The following NPAS3 variants were observed in gnomAD, a reference collection of about 807,000 sequenced individuals.
The protein encoded by NPAS3 is neuronal PAS domain protein 3.
NPAS3 carries 14 observed loss-of-function variants against 73.1 expected under a neutral mutation model. That is an observed-to-expected ratio of 0.19 (90% CI 0.13 to 0.30). The LOEUF is 0.30. Ranked by LOEUF, NPAS3 falls within the 10% of genes least tolerant of loss-of-function variation. NPAS3 has a pLI of 1.00. For synonymous variants in NPAS3, 620 were observed against 541.5 expected (o/e 1.14, Z -2.01); for missense variants, 1,096 against 1,250.0 (o/e 0.88, Z 1.86).
chr14:33,629,735 T>C (rs1244708516), intron 5 of NPAS3, among the ~76,000 whole-genome samples: 1 of 151,772 alleles, frequency 6.6e-6, no homozygotes, highest in East Asian at 2.0e-4. Flanking sequence ...TCCACAGCCA[T>C]TTGTTTTTCT....
At chr14:33,301,058 C>T (rs2042509293) in intron 3 of NPAS3, among the ~76,000 whole-genome samples, 1 of 151,820 alleles carries the variant, frequency 6.6e-6, no homozygotes, top group Non-Finnish European at 1.5e-5. Flanking sequence ...TTGGTGGGTA[C>T]TACTCCTCAT....
At chr14:33,032,350 A>T (rs555844614) in intron 1 of NPAS3, among the ~76,000 whole-genome samples, 2 of 152,230 alleles carry the variant, frequency 1.3e-5, no homozygotes, top group Non-Finnish European at 2.9e-5. Flanking sequence ...GAGTAGGTAC[A>T]TGAGAAGACC....
At chr14:33,560,917 C>T (rs2055614899) in intron 5 of NPAS3, among the ~76,000 whole-genome samples, 1 of 152,148 alleles carries the variant, frequency 6.6e-6, no homozygotes, top group Non-Finnish European at 1.5e-5. Flanking sequence ...CTGGTGAATG[C>T]CAAAATATCC....
chr14:33,558,264 C>A (rs1282111890), intron 4 of NPAS3, among the ~76,000 whole-genome samples: 2 of 151,520 alleles, frequency 1.3e-5, no homozygotes, highest in Admixed American at 6.6e-5. Context: ...CAGGAAAATT[C>A]ACTTTTTTTT....
chr14:33,277,800 A>T (rs2041404200), intron 3 of NPAS3, among the ~76,000 whole-genome samples: 1 of 152,082 alleles, frequency 6.6e-6, no homozygotes, highest in Non-Finnish European at 1.5e-5. Context: ...GACCAGACAG[A>T]GGCTTTGGAT....
At chr14:33,234,450 T>C (rs1298667162) in intron 3 of NPAS3, among the ~76,000 whole-genome samples, 1 of 152,174 alleles carries the variant, frequency 6.6e-6, no homozygotes, top group Admixed American at 6.6e-5. Flanking sequence ...CTCTTCTAGA[T>C]GCATTTTATT....
In NPAS3 at chr14:33,704,204, A is replaced by G. The variant is rs536340701; in HGVS notation, c.733+27819A>G. ...GGAATAAAGAATGAAGTCATGTGATAACAAATTAGATGGCTAATATGAGTT... is the reference window on the plus strand; with the variant it reads ...GGAATAAAGAATGAAGTCATGTGATGACAAATTAGATGGCTAATATGAGTT... On this transcript the variant is annotated intron_variant, in intron 6 of 11. Coordinates refer to ENST00000356141, the Ensembl canonical transcript of NPAS3. Among the ~76,000 whole-genome samples, 4 of 152,366 alleles carry G rather than the reference A, an allele frequency of 2.6e-5. No homozygotes were observed. In the East Asian group the frequency reaches 7.7e-4, roughly 29 times the overall value.
intron 2 of NPAS3, among the ~76,000 whole-genome samples, chr14:33,078,054 G>A (rs1019815935): frequency 4.6e-5 from 7 of 151,810 alleles, no homozygotes; most frequent in African/African-American, 9.7e-5. Flanking sequence ...CAGGAGAATC[G>A]CCTGAACCCG....
chr14:33,215,891 C>G (rs2047205390), intron 3 of NPAS3, among the ~76,000 whole-genome samples: 1 of 152,240 alleles, frequency 6.6e-6, no homozygotes, highest in Non-Finnish European at 1.5e-5. Flanking sequence ...GAAAATCAAT[C>G]TATGTATTAG....
At chr14:33,386,070 ATTT>A (rs5807722) in intron 4 of NPAS3, among the ~76,000 whole-genome samples, 2 of 148,306 alleles carry the variant, frequency 1.3e-5, no homozygotes, top group Admixed American at 6.7e-5. Context: ...GTAATTGAGA[ATTT>A]TTTTTTTTTT....
At chr14:33,622,136 A>G in intron 5 of NPAS3, among the ~76,000 whole-genome samples, 1 of 152,136 alleles carries the variant, frequency 6.6e-6, no homozygotes, top group South Asian at 2.1e-4. Context: ...GTTCAAAACC[A>G]CTGTTCTCAG....
intron 3 of NPAS3, among the ~76,000 whole-genome samples, chr14:33,331,426 T>C (rs1212947310): frequency 6.6e-6 from 1 of 152,188 alleles, no homozygotes; most frequent in Non-Finnish European, 1.5e-5. Flanking sequence ...ACCATGAAAA[T>C]AATATGGTGT....
intron 5 of NPAS3, among the ~76,000 whole-genome samples, chr14:33,633,615 T>C (rs1181054270): frequency 1.3e-5 from 2 of 152,168 alleles, no homozygotes; most frequent in South Asian, 2.1e-4. Context: ...TATCTAAACA[T>C]AGAAAAGGCA....
At chr14:33,721,092 C>A (rs751178392) in intron 6 of NPAS3, among the ~76,000 whole-genome samples, 5 of 152,122 alleles carry the variant, frequency 3.3e-5, no homozygotes, top group Non-Finnish European at 2.9e-5. Context: ...AACTTACATG[C>A]GTCTCCTAAA....
chr14:33,578,678 G>A (rs1271909949), intron 5 of NPAS3, among the ~76,000 whole-genome samples: 1 of 152,118 alleles, frequency 6.6e-6, no homozygotes, highest in African/African-American at 2.4e-5. Flanking sequence ...CCTGCAATCA[G>A]GGGTTTTCCA....
At chr14:33,427,648 A>G (rs909601055) in intron 4 of NPAS3, among the ~76,000 whole-genome samples, 1 of 151,922 alleles carries the variant, frequency 6.6e-6, no homozygotes, top group African/African-American at 2.4e-5. Context: ...ATTACAAGAG[A>G]GAAGAGCCAA....
At chr14:33,384,301 T>G (rs944064123) in intron 4 of NPAS3, among the ~76,000 whole-genome samples, 11 of 152,160 alleles carry the variant, frequency 7.2e-5, no homozygotes, top group Admixed American at 3.9e-4. Flanking sequence ...TCAGTTTCTA[T>G]AAAATGGACG....
chr14:33,532,319 G>A (rs763756089), intron 4 of NPAS3, among the ~76,000 whole-genome samples: 43 of 151,796 alleles, frequency 2.8e-4, no homozygotes, highest in Non-Finnish European at 1.2e-4. Context: ...GGTCTCTGTC[G>A]AGCTTTTGCC....
chr14:33,441,177 A>G (rs1323636217), intron 4 of NPAS3, among the ~76,000 whole-genome samples: 2 of 152,248 alleles, frequency 1.3e-5, no homozygotes, highest in South Asian at 2.1e-4. Flanking sequence ...TTCACTTTTA[A>G]CACTGTTAAT....
Sources: gnomAD v4.1 joint callset for allele counts (sites outside exome capture counted in the v4.1 genomes callset) on GRCh38, gnomAD v4.1.1 for gene constraint, MANE v1.5 for transcripts, NCBI Gene and HGNC (gene_info 2026-07-23, HGNC 2026-07-21) for gene names.